PPM1E: variants seen among roughly 807,000 people sequenced by gnomAD.
The protein encoded by PPM1E is protein phosphatase 1E.
In PPM1E, 20 loss-of-function variants were observed where a neutral mutation model predicts 65.9. The observed-to-expected ratio is 0.30, with a 90% CI of 0.21 to 0.44. PPM1E has a LOEUF of 0.44. Ranked by LOEUF, PPM1E falls within the 20% of genes least tolerant of loss-of-function variation. PPM1E has a pLI of 1.00. For missense variants in PPM1E, 713 were observed against 953.1 expected (o/e 0.75, Z 3.32); for synonymous variants, 352 against 374.9 (o/e 0.94, Z 0.70).
At chr17:58,915,440 A>C (rs2051673381) in intron 1 of PPM1E, among the ~76,000 whole-genome samples, 1 of 152,142 alleles carries the variant, frequency 6.6e-6, no homozygotes, top group African/African-American at 2.4e-5. Context: ...TTTTATCAGC[A>C]AGGTCTTCAA....
chr17:58,895,949 C>CG (rs568566994), intron 1 of PPM1E, among the ~76,000 whole-genome samples: 1 of 127,782 alleles, frequency 7.8e-6, no homozygotes, highest in African/African-American at 2.9e-5. Context: ...GCTAAACATA[C>CG]AAAAAAAAAA....
chr17:58,842,016 A>G (rs2050724778), intron 1 of PPM1E, among the ~76,000 whole-genome samples: 1 of 151,990 alleles, frequency 6.6e-6, no homozygotes, highest in African/African-American at 2.4e-5. Flanking sequence ...CAATTTTTGT[A>G]TTTTTAATAG....
At chr17:58,759,304 C>G (rs2049800624) in intron 1 of PPM1E, among the ~76,000 whole-genome samples, 1 of 152,042 alleles carries the variant, frequency 6.6e-6, no homozygotes, top group East Asian at 1.9e-4. Context: ...GTTTAAATCC[C>G]CCAAGAGATT....
At chr17:58,790,666 C>T (rs114951385) in intron 1 of PPM1E, among the ~76,000 whole-genome samples, 1,747 of 152,200 alleles carry the variant, frequency 0.011, 28 homozygotes, top group African/African-American at 0.039. Context: ...TTGCAAGAAG[C>T]TCAAGCCACA....
chr17:58,827,762 C>A (rs370670083), intron 1 of PPM1E, among the ~76,000 whole-genome samples: 1 of 150,804 alleles, frequency 6.6e-6, no homozygotes, highest in Non-Finnish European at 1.5e-5. Flanking sequence ...ATTAGCCAGG[C>A]GTGGTGGCGC....
At chr17:58,960,499 G>A (rs1310081108) in intron 2 of PPM1E, among the ~76,000 whole-genome samples, 4 of 152,176 alleles carry the variant, frequency 2.6e-5, no homozygotes, top group African/African-American at 9.7e-5. Context: ...GTTCTGGCCA[G>A]CACGGTGGCT....
At chr17:58,947,183 C>T (rs1279404517) in intron 1 of PPM1E, among the ~76,000 whole-genome samples, 28 of 135,266 alleles carry the variant, frequency 2.1e-4, no homozygotes, top group African/African-American at 7.6e-4. Context: ...GATCTGCCCA[C>T]CTCGGTCTCC....
At chr17:58,868,105 C>G (rs1048421854) in intron 1 of PPM1E, among the ~76,000 whole-genome samples, 7 of 151,950 alleles carry the variant, frequency 4.6e-5, no homozygotes, top group African/African-American at 9.7e-5. Flanking sequence ...CAAGATGGGT[C>G]GACTGCTTGA....
At chr17:58,894,271 C>T (rs2051384860) in intron 1 of PPM1E, among the ~76,000 whole-genome samples, 1 of 152,076 alleles carries the variant, frequency 6.6e-6, no homozygotes, top group African/African-American at 2.4e-5. Flanking sequence ...AACAGGTTTG[C>T]ACCACCAGAC....
chr17:58,844,039 A>G (rs1415336439), intron 1 of PPM1E, among the ~76,000 whole-genome samples: 2 of 152,184 alleles, frequency 1.3e-5, no homozygotes, highest in Non-Finnish European at 2.9e-5. Flanking sequence ...TATGGAGTTA[A>G]ATACAGAGAT....
chr17:58,949,349 T>G (rs965441834), intron 1 of PPM1E, among the ~76,000 whole-genome samples: 21 of 152,240 alleles, frequency 1.4e-4, no homozygotes, highest in African/African-American at 5.1e-4. Flanking sequence ...GCGTGGAATA[T>G]CTCTTTCCAT....
At chr17:58,810,500 C>G (rs538598134) in intron 1 of PPM1E, among the ~76,000 whole-genome samples, 1 of 152,046 alleles carries the variant, frequency 6.6e-6, no homozygotes, top group African/African-American at 2.4e-5. Flanking sequence ...CCACTGCGCC[C>G]GGCCGCTGTG....
Position 58,980,879 on chromosome 17 carries a change from T to C in PPM1E, c.2116T>C (p.Ser706Pro). 1.2e-6 allele frequency: 2 copies of C among 1,614,204 alleles called. No homozygotes were observed. Among genetic ancestry groups the C allele is most frequent in the East Asian group, 2.2e-5 (1 of 44,886 alleles). ...PSHKIGTSLS[S>P]LTGSGKRNRI... ...CCACAAAATAGGCACTAGCCTGTCC[T>C]CACTTACTGGAAGTGGGAAGAGAAA... Residue 706 changes from serine (S) to proline (P), a missense_variant, in exon 7 of 7, where the codon TCA (serine) becomes CCA (proline). Transcript: ENST00000308249. The surrounding 1 kb of genome is among the most constrained non-coding windows in gnomAD (Gnocchi z 4.7).
chr17:58,824,206 A>G (rs1011034568), intron 1 of PPM1E, among the ~76,000 whole-genome samples: 11 of 152,324 alleles, frequency 7.2e-5, no homozygotes, highest in Middle Eastern at 3.4e-3. Context: ...CATAACAATT[A>G]TCAGTCAATA....
intron 1 of PPM1E, among the ~76,000 whole-genome samples, chr17:58,830,592 C>G (rs2050594340): frequency 6.6e-6 from 1 of 152,052 alleles, no homozygotes; most frequent in Non-Finnish European, 1.5e-5. Flanking sequence ...AGGTGTGAAC[C>G]ACTGCGCCCA....
At chr17:58,773,352 C>T (rs561103836) in intron 1 of PPM1E, among the ~76,000 whole-genome samples, 1 of 152,164 alleles carries the variant, frequency 6.6e-6, no homozygotes, top group African/African-American at 2.4e-5. Flanking sequence ...AAGGGGTGAT[C>T]TTCATGGATA....
chr17:58,778,705 A>G (rs2050019967), intron 1 of PPM1E, among the ~76,000 whole-genome samples: 2 of 151,540 alleles, frequency 1.3e-5, no homozygotes, highest in South Asian at 4.2e-4. Context: ...TCAGGCTGAG[A>G]TTACAGGCCT....
chr17:58,886,031 T>C (rs1457878457), intron 1 of PPM1E, among the ~76,000 whole-genome samples: 1 of 152,184 alleles, frequency 6.6e-6, no homozygotes, highest in African/African-American at 2.4e-5. Flanking sequence ...ATGTCCCCCT[T>C]TGTAATTTCC....
At chr17:58,871,814 C>T (rs2051073543) in intron 1 of PPM1E, among the ~76,000 whole-genome samples, 1 of 6,150 alleles carries the variant, frequency 1.6e-4, no homozygotes, top group Non-Finnish European at 3.7e-4. Context: ...GAGACCCTGT[C>T]TCAAAAAAAA....
Sources: gnomAD v4.1 joint callset for allele counts (sites outside exome capture counted in the v4.1 genomes callset) on GRCh38, gnomAD v4.1.1 for gene constraint, Gnocchi (gnomAD v3.1) non-coding constraint, MANE v1.5 for transcripts, NCBI Gene and HGNC (gene_info 2026-07-23, HGNC 2026-07-21) for gene names.